NELL1: variants seen among roughly 807,000 people sequenced by gnomAD.
NELL1 encodes neural EGFL like 1.
In NELL1, 76 loss-of-function variants were observed where a neutral mutation model predicts 107.4. The ratio of observed to expected loss-of-function variants is 0.71; its 90% CI spans 0.59 to 0.86. The LOEUF is 0.86. NELL1 is among the 40% of genes least tolerant of loss of function. The pLI, the probability that NELL1 is intolerant of heterozygous loss-of-function variation, is 0.00. For synonymous variants in NELL1, 353 were observed against 341.2 expected, an observed-to-expected ratio of 1.03 and a Z score of -0.38; for missense variants, 1,024 against 1,005.5, an observed-to-expected ratio of 1.02 and a Z score of -0.25.
chr11:21,157,932 T>G (rs770576429), intron 13 of NELL1, among the ~76,000 whole-genome samples: 1 of 152,106 alleles, frequency 6.6e-6, no homozygotes, highest in East Asian at 1.9e-4. Flanking sequence ...TGTTCCTGAG[T>G]GTGTCTGTGA....
intron 12 of NELL1, among the ~76,000 whole-genome samples, chr11:21,111,269 G>A (rs548605652): frequency 7.2e-5 from 11 of 152,128 alleles, no homozygotes; most frequent in Middle Eastern, 3.4e-3. Flanking sequence ...TCATCAGTCC[G>A]CCTCTGGGCT....
At chr11:21,002,504 TAAAG>T (rs1852245340) in intron 12 of NELL1, among the ~76,000 whole-genome samples, 1 of 152,016 alleles carries the variant, frequency 6.6e-6, no homozygotes, top group Admixed American at 6.6e-5. Flanking sequence ...ATCAGAAAAA[TAAAG>T]ATAGATAGGA....
chr11:21,299,734 A>G (rs1007334447), intron 14 of NELL1, among the ~76,000 whole-genome samples: 1 of 151,982 alleles, frequency 6.6e-6, no homozygotes, highest in African/African-American at 2.4e-5. Context: ...GACATCTGAA[A>G]GCAATAGGAG....
chr11:21,002,650 A>G (rs1168408076), intron 12 of NELL1, among the ~76,000 whole-genome samples: 1 of 152,184 alleles, frequency 6.6e-6, no homozygotes, highest in African/African-American at 2.4e-5. Context: ...AATATGGCAG[A>G]AAGAGGTTCT....
chr11:21,424,054 A>T (rs1311971639), intron 15 of NELL1, among the ~76,000 whole-genome samples: 1 of 152,230 alleles, frequency 6.6e-6, no homozygotes, highest in Non-Finnish European at 1.5e-5. Context: ...ACCTAACTTT[A>T]TAACTTCAGG....
intron 12 of NELL1, among the ~76,000 whole-genome samples, chr11:20,994,008 G>A (rs1399654147): frequency 5.3e-5 from 8 of 152,016 alleles, no homozygotes; most frequent in African/African-American, 1.7e-4. Context: ...AGATAGAAAT[G>A]CAAAGATAAA....
At chr11:20,791,818 A>T (rs142017491) in intron 3 of NELL1, among the ~76,000 whole-genome samples, 10 of 141,482 alleles carry the variant, frequency 7.1e-5, no homozygotes, top group Non-Finnish European at 1.5e-4. Flanking sequence ...TGTTTCTGTT[A>T]TGAAGGGTGT....
At chr11:21,322,797 T>A (rs193139707) in intron 14 of NELL1, among the ~76,000 whole-genome samples, 21 of 152,172 alleles carry the variant, frequency 1.4e-4, no homozygotes, top group Non-Finnish European at 2.4e-4. Context: ...ATATACATAT[T>A]TATTCCTCAG....
intron 15 of NELL1, among the ~76,000 whole-genome samples, chr11:21,518,801 T>C (rs1855638765): frequency 6.6e-6 from 1 of 152,248 alleles, no homozygotes; most frequent in Admixed American, 6.5e-5. Context: ...TGTTGCCTTA[T>C]GGAAATTATT....
chr11:21,276,850 G>C (rs977522403), intron 14 of NELL1, among the ~76,000 whole-genome samples: 4 of 152,094 alleles, frequency 2.6e-5, no homozygotes, highest in Admixed American at 2.6e-4. Flanking sequence ...GCCATACGTA[G>C]AAAGCTGAAA....
chr11:20,963,554 A>G (rs1275367512), intron 12 of NELL1, among the ~76,000 whole-genome samples: 1 of 152,158 alleles, frequency 6.6e-6, no homozygotes, highest in Non-Finnish European at 1.5e-5. Flanking sequence ...ATTTAGATGA[A>G]TTAAATGAGA....
intron 12 of NELL1, among the ~76,000 whole-genome samples, chr11:20,986,563 C>G (rs1296961576): frequency 6.6e-6 from 1 of 152,100 alleles, no homozygotes; most frequent in African/African-American, 2.4e-5. Context: ...ACCCAGGTGC[C>G]TGGGCCCCAC....
chr11:21,560,407 A>C (rs1856821387), intron 17 of NELL1, 25 bp downstream of exon 17: 1 of 1,531,984 alleles, frequency 6.5e-7, no homozygotes, highest in Admixed American at 2.1e-5. Flanking sequence ...GTGCAGCAGA[A>C]ATTGAAACTG....
chr11:20,904,780 A>G (rs1849956572), intron 5 of NELL1, among the ~76,000 whole-genome samples: 1 of 151,964 alleles, frequency 6.6e-6, no homozygotes, highest in Non-Finnish European at 1.5e-5. Flanking sequence ...GGTTGCTGAC[A>G]TTCAAGGAAA....
intron 15 of NELL1, among the ~76,000 whole-genome samples, chr11:21,519,702 G>T (rs987260690): frequency 1.3e-5 from 2 of 152,058 alleles, no homozygotes; most frequent in African/African-American, 4.8e-5. Context: ...GAAGGATGGG[G>T]AATGTACAGC....
chr11:20,789,223 A>G (rs1017023174), intron 3 of NELL1, among the ~76,000 whole-genome samples: 1 of 152,140 alleles, frequency 6.6e-6, no homozygotes, highest in African/African-American at 2.4e-5. Context: ...CCTAGGTGTC[A>G]TGCCTCCAAG....
At chr11:20,803,531 G>C (rs773153689) in intron 3 of NELL1, among the ~76,000 whole-genome samples, 1 of 150,566 alleles carries the variant, frequency 6.6e-6, no homozygotes, top group Non-Finnish European at 1.5e-5. Context: ...TTGTTTCTTC[G>C]TTTCAATTTC....
intron 12 of NELL1, among the ~76,000 whole-genome samples, chr11:21,050,387 T>C (rs1853464077): frequency 2.0e-5 from 3 of 151,972 alleles, no homozygotes; most frequent in Admixed American, 1.3e-4. Flanking sequence ...ATTATATAAA[T>C]GTAATTTTTG....
At chr11:21,543,169 T>A (rs1478559238) in intron 16 of NELL1, among the ~76,000 whole-genome samples, 2 of 152,044 alleles carry the variant, frequency 1.3e-5, no homozygotes, top group Non-Finnish European at 2.9e-5. Context: ...ACATAAGATA[T>A]TTTTTGGTTA....
Sources: gnomAD v4.1 joint callset for allele counts (sites outside exome capture counted in the v4.1 genomes callset) on GRCh38, gnomAD v4.1.1 for gene constraint, MANE v1.5 for transcripts, NCBI Gene and HGNC (gene_info 2026-07-23, HGNC 2026-07-21) for gene names.